Variants in TERF1 observed in about 807,000 individuals in gnomAD.
The protein encoded by TERF1 is telomeric repeat-binding factor 1.
In TERF1, 20 loss-of-function variants were observed where a neutral mutation model predicts 55.1. That is an observed-to-expected ratio of 0.36 (90% CI 0.26 to 0.53). TERF1 has a LOEUF of 0.53. TERF1 is among the 20% of genes least tolerant of loss of function. The pLI is 0.91. For missense variants in TERF1, 439 were observed against 535.7 expected (o/e 0.82, Z 1.78); for synonymous variants, 168 against 181.2 (o/e 0.93, Z 0.59).
chr8:73,014,761 T>C (rs1421071648), intron 2 of TERF1, among the ~76,000 whole-genome samples: 1 of 152,258 alleles, frequency 6.6e-6, no homozygotes, highest in Non-Finnish European at 1.5e-5. Context: ...CCCAGTGTAT[T>C]AGCACCACTG....
chr8:73,014,588 G>A (rs1051271693), intron 2 of TERF1, among the ~76,000 whole-genome samples: 1 of 152,174 alleles, frequency 6.6e-6, no homozygotes, highest in East Asian at 1.9e-4. Context: ...ATCAGTAATG[G>A]CTGGTATTTA....
In TERF1 at chr8:73,040,884, A is replaced by T. The variant is rs56289141; in HGVS notation, c.1143+1665A>T. Among the ~76,000 whole-genome samples, 294 of 152,266 alleles carry T rather than the reference A, an allele frequency of 1.9e-3. 2 individuals carry two copies. The highest frequency in any genetic ancestry group is 6.4e-3 in the African/African-American group (267 of 41,550). Reference sequence around the variant, plus strand: ...TTCTTCAGCTGTGTTTAATCTGCTTATGAGCCCATCAGAGGCATTGTTCAT... The same window carrying T: ...TTCTTCAGCTGTGTTTAATCTGCTTTTGAGCCCATCAGAGGCATTGTTCAT... On this transcript the variant is annotated intron_variant, in intron 9 of 9. Transcript: ENST00000276603.
intron 8 of TERF1, among the ~76,000 whole-genome samples, chr8:73,037,001 T>C (rs954179352): frequency 1.4e-5 from 2 of 139,812 alleles, no homozygotes; most frequent in Non-Finnish European, 3.0e-5. Context: ...CACAGTATGG[T>C]TTATATGTAA....
Position 73,041,735 on chromosome 8 carries a change from C to T in TERF1, c.1143+2516C>T, listed in dbSNP as rs55736015. On this transcript the variant is annotated intron_variant, in intron 9 of 9. Coordinates refer to ENST00000276603, the MANE Select transcript of TERF1 (RefSeq NM_017489.3). ...TTTCAAAATGGCTACTTTTTCCCTC[C>T]GCCTGTCAGAAGCAGGAAGGAATTT... Among the ~76,000 whole-genome samples the T allele has an allele frequency of 7.4e-3, 1,132 of 152,188 alleles. 7 individuals are homozygous for T. The highest frequency in any genetic ancestry group is 0.025 in the African/African-American group (1,037 of 41,534).
At chr8:73,012,761 A>G (rs1419871152) in intron 1 of TERF1, 5 of 307,958 alleles carry the variant, frequency 1.6e-5, no homozygotes, top group Non-Finnish European at 3.3e-5. Context: ...GCAAAGCACA[A>G]TAAAATGAGG....
At chr8:73,012,785 A>G (rs1586025780) in intron 1 of TERF1, 2 of 383,150 alleles carry the variant, frequency 5.2e-6, no homozygotes, top group African/African-American at 2.1e-5. Flanking sequence ...GTCTGCACCT[A>G]TCCTTCGTGG....
At chr8:73,009,291 T>C in intron 1 of TERF1, 86 bp downstream of exon 1, 1 of 429,506 alleles carries the variant, frequency 2.3e-6, no homozygotes, top group Non-Finnish European at 3.4e-6. Flanking sequence ...GTTCCCTACG[T>C]CGCCGAGGGA....
At chr8:73,028,571 A>ATTTTTTTTTTTTTTTTTTTTTTTTTTTT (rs59423351) in intron 6 of TERF1, among the ~76,000 whole-genome samples, 1 of 104,428 alleles carries the variant, frequency 9.6e-6, no homozygotes, top group Non-Finnish European at 1.8e-5. Context: ...ACGTAGACCC[A>ATTTTTTTTTTTTTTTTTTTTTTTTTTTT]TTTTTTTTTT....
intron 5 of TERF1, among the ~76,000 whole-genome samples, chr8:73,026,334 C>CA (rs1006410444): frequency 9.2e-5 from 14 of 152,038 alleles, no homozygotes; most frequent in East Asian, 1.9e-4. Context: ...CCCGTCTCTA[C>CA]AAAAAAATTA....
chr8:73,032,227 A>C (rs1231783816), intron 8 of TERF1, 94 bp downstream of exon 8: 1 of 778,056 alleles, frequency 1.3e-6, no homozygotes, highest in Admixed American at 3.0e-5. Flanking sequence ...AAAAACACAC[A>C]CTTCAGAAAA....
chr8:73,010,790 T>A (rs572591804), intron 1 of TERF1: 1 of 152,322 alleles, frequency 6.6e-6, no homozygotes, highest in African/African-American at 2.4e-5. Context: ...CTTGTAAGGC[T>A]GGGACAGGGA....
rs150979236 is a variant in TERF1 at position 73,025,149 on chromosome 8, G to T, written c.774+178G>T. The stretch of plus-strand genomic sequence containing the variant: ...TAATTAAAAGATTTATGAGTGATAT[G>T]TACTTTTGTAACTTTTCAAAATTAG... On this transcript the variant is annotated intron_variant, in intron 5 of 9. Transcript: ENST00000276603. Among the ~76,000 whole-genome samples, 70 of 152,246 alleles carry T rather than the reference G, an allele frequency of 4.6e-4. No homozygotes were observed. The East Asian group carries it at 0.011, about 24-fold the overall frequency.
intron 9 of TERF1, among the ~76,000 whole-genome samples, 156 bp from the exon 10 acceptor site, chr8:73,045,805 T>G (rs1315400259): frequency 6.6e-6 from 1 of 152,224 alleles, no homozygotes; most frequent in Non-Finnish European, 1.5e-5. Flanking sequence ...TTACGATAAA[T>G]GTAAAATCTT....
chr8:73,039,226 G>C lies in TERF1; in HGVS notation c.1143+7G>C. The C allele has an allele frequency of 6.3e-7, 1 of 1,580,456 alleles. No homozygotes were observed. Among genetic ancestry groups the C allele is most frequent in the Non-Finnish European group, 8.6e-7 (1 of 1,164,172 alleles). ...TCGAGCTAGAAAAAGACAGGTATTT[G>C]GTTTTTTAAAATTCGAATAACGCTT... On this transcript the variant is annotated splice_region_variant and intron_variant, in intron 9 of 9. Transcript: ENST00000276603.
chr8:73,035,564 C>A (rs766322677), intron 8 of TERF1, among the ~76,000 whole-genome samples: 6 of 151,978 alleles, frequency 3.9e-5, no homozygotes, highest in Non-Finnish European at 5.9e-5. Context: ...TTTAATAATG[C>A]TGTTCAGGTA....
chr8:73,030,485 G>T, intron 7 of TERF1, 90 bp downstream of exon 7: 13 of 773,622 alleles, frequency 1.7e-5, no homozygotes, highest in South Asian at 2.9e-5. Flanking sequence ...CACATAAATG[G>T]TACAATTGAA....
At chr8:73,029,425 G>C (rs527683423) in intron 6 of TERF1, among the ~76,000 whole-genome samples, 3 of 152,100 alleles carry the variant, frequency 2.0e-5, no homozygotes, top group African/African-American at 7.2e-5. Flanking sequence ...AGGAGTTTGA[G>C]ACCAGCCTAG....
At chr8:73,020,029 T>G (rs1808683220) in intron 2 of TERF1, among the ~76,000 whole-genome samples, 1 of 152,244 alleles carries the variant, frequency 6.6e-6, no homozygotes, top group South Asian at 2.1e-4. Flanking sequence ...GGATTTTGTC[T>G]TACTGAGCCA....
Position 73,046,433 on chromosome 8 carries a change from A to G in TERF1, c.*296A>G, listed in dbSNP as rs1238665994. ...TTAAAACCTGATACGAAAAAAAAAA[A>G]ATTCCAGTTAACCTATTTTGTGTCT... is the stretch of plus-strand genomic sequence containing the variant. On this transcript the variant is annotated 3_prime_UTR_variant, in exon 10 of 10. Transcript: ENST00000276603. 1 of 188,346 alleles carries G rather than the reference A, an allele frequency of 5.3e-6. No individual in the cohort carries two copies. Among genetic ancestry groups the G allele is most frequent in the African/African-American group, 2.3e-5 (1 of 42,910 alleles). The allele number at this position is 188,346 out of a possible 1,614,324, so 11.7% of individuals were successfully genotyped here. A position where few individuals can be genotyped will look rare whatever the true frequency, so the allele number is the denominator to read the frequency against.
Sources: gnomAD v4.1 joint callset for allele counts (sites outside exome capture counted in the v4.1 genomes callset) on GRCh38, gnomAD v4.1.1 for gene constraint, MANE v1.5 for transcripts, NCBI Gene and HGNC (gene_info 2026-07-23, HGNC 2026-07-21) for gene names.